Variants in MGLL observed in about 807,000 individuals in gnomAD.
MGLL encodes the protein lysophospholipase homolog.
Under a neutral mutation model 29.1 loss-of-function variants are expected in MGLL, and 7 were observed. The observed-to-expected ratio is 0.24, with a 90% CI of 0.14 to 0.45. The LOEUF (loss-of-function observed/expected upper bound fraction) is 0.45, where lower values mean the gene tolerates loss of function less well. Ranked by LOEUF, MGLL falls within the 20% of genes least tolerant of loss-of-function variation. The pLI, the probability that MGLL is intolerant of heterozygous loss-of-function variation, is 0.99. For missense variants in MGLL, 356 were observed against 413.6 expected (o/e 0.86, Z 1.21); for synonymous variants, 148 against 168.3 (o/e 0.88, Z 0.93).
In MGLL at chr3:127,781,845, T is replaced by G; in HGVS notation, c.206A>C (p.Glu69Ala). 1 of 1,614,080 alleles carries G rather than the reference T, an allele frequency of 6.2e-7. No homozygotes were observed. Among genetic ancestry groups the G allele is most frequent in the Non-Finnish European group, 8.5e-7 (1 of 1,179,996 alleles). Residue 69 changes from glutamate (E) to alanine (A), a missense_variant, in exon 3 of 8, where the codon GAA (glutamate) becomes GCA (alanine). Transcript: ENST00000265052. ...CCCCATCAGCATCCGAGCCAGCTCT[T>G]CATAGCGGCCACTGTGCTCTCCGGC... ...HGAGEHSGRYEELARMLMGLD... is the reference protein window; with the variant it reads ...HGAGEHSGRYAELARMLMGLD...
chr3:127,700,765 G>A (rs556436920), intron 6 of MGLL, among the ~76,000 whole-genome samples: 3 of 152,336 alleles, frequency 2.0e-5, no homozygotes, highest in African/African-American at 4.8e-5. Flanking sequence ...TAGGACCCTC[G>A]AAAGGGGAGG....
chr3:127,692,236 G>C lies in MGLL; in HGVS notation c.904C>G (p.Gln302Glu), dbSNP rs771308600. The C allele has an allele frequency of 5.6e-6, 9 of 1,613,374 alleles. No individual in the cohort carries two copies. The highest frequency in any genetic ancestry group is 7.6e-6 in the Non-Finnish European group (9 of 1,179,852). Residue 302 changes from glutamine to glutamate, a missense_variant, in exon 8 of 8, where the codon CAA (glutamine) becomes GAA (glutamate). Coordinates refer to ENST00000265052, the MANE Select transcript of MGLL (RefSeq NM_007283.7). ...VFHEINMWVS[Q>E]RTATAGTASP... ...GCAGTTCCTGCCGTGGCTGTCCTTT[G>C]AGAGACCCACATGTTTATTTCATGG...
At chr3:127,722,710 C>T (rs1001852427) in intron 3 of MGLL, 144 bp from the exon 4 acceptor site, 11 of 1,171,358 alleles carry the variant, frequency 9.4e-6, no homozygotes, top group African/African-American at 6.1e-5. Flanking sequence ...CACTCTTGAA[C>T]GTTGGAATTC....
At chr3:127,773,555 C>T (rs1210317562) in intron 3 of MGLL, among the ~76,000 whole-genome samples, 1 of 152,202 alleles carries the variant, frequency 6.6e-6, no homozygotes, top group Non-Finnish European at 1.5e-5. Flanking sequence ...ACAGGCTGTG[C>T]CGGGCTGGCT....
chr3:127,817,333 T>A (rs2077775391), intron 2 of MGLL, among the ~76,000 whole-genome samples: 1 of 152,128 alleles, frequency 6.6e-6, no homozygotes, highest in Non-Finnish European at 1.5e-5. Context: ...GGAGGGACAA[T>A]CACACTTTAA....
chr3:127,762,863 T>C (rs190803294), intron 3 of MGLL, among the ~76,000 whole-genome samples: 15 of 152,348 alleles, frequency 9.8e-5, no homozygotes, highest in East Asian at 9.6e-4. Flanking sequence ...GGTACCATTA[T>C]TACCATCTCA....
intron 3 of MGLL, among the ~76,000 whole-genome samples, chr3:127,737,825 G>T (rs1219703263): frequency 6.6e-6 from 1 of 151,440 alleles, no homozygotes; most frequent in African/African-American, 2.4e-5. Flanking sequence ...TTTGTATTTA[G>T]TAGAGATGGG....
chr3:127,740,429 A>G (rs1426704942), intron 3 of MGLL, among the ~76,000 whole-genome samples: 2 of 151,876 alleles, frequency 1.3e-5, no homozygotes, highest in East Asian at 3.9e-4. Context: ...GTATCTGTCC[A>G]TATCAGTTCC....
intron 5 of MGLL, 104 bp from the exon 6 acceptor site, chr3:127,710,769 T>C (rs1488753124): frequency 9.5e-7 from 1 of 1,056,778 alleles, no homozygotes; most frequent in Non-Finnish European, 1.4e-6. Context: ...ATGCCCAAAC[T>C]GAACATCAGC....
chr3:127,754,358 GA>G lies in MGLL; in HGVS notation c.262+27430del, dbSNP rs34543777. 1.3e-3 allele frequency among the ~76,000 whole-genome samples: 201 copies of G among 149,160 alleles called. 2 individuals are homozygous for G. Among genetic ancestry groups the G allele is most frequent in the East Asian group, 8.0e-3 (41 of 5,108 alleles). ...CAACCATAAAAGGCAAAATAAGAAA[GA>G]AAAAAAAAACCAGATCTATCAAAAG... On this transcript the variant is annotated intron_variant, in intron 3 of 7. Coordinates refer to ENST00000265052, the MANE Select transcript of MGLL (RefSeq NM_007283.7).
intron 3 of MGLL, among the ~76,000 whole-genome samples, chr3:127,763,770 A>G (rs1482856890): frequency 5.9e-5 from 9 of 152,040 alleles, no homozygotes; most frequent in African/African-American, 2.2e-4. Flanking sequence ...CCCGTCCTCA[A>G]ACTCTCCCAG....
chr3:127,815,762 A>G (rs73862363), intron 2 of MGLL, among the ~76,000 whole-genome samples: 8,523 of 152,232 alleles, frequency 0.056, 651 homozygotes, highest in African/African-American at 0.17. Flanking sequence ...ACCTCTGTCT[A>G]ATTTGCACAA....
intron 6 of MGLL, among the ~76,000 whole-genome samples, chr3:127,702,367 C>T (rs551039770): frequency 6.6e-5 from 10 of 152,288 alleles, no homozygotes; most frequent in Admixed American, 2.0e-4. Flanking sequence ...AAAGCTTCCC[C>T]GGCTCGATAG....
chr3:127,775,942 A>G (rs955363995), intron 3 of MGLL, among the ~76,000 whole-genome samples: 1 of 152,202 alleles, frequency 6.6e-6, no homozygotes, highest in African/African-American at 2.4e-5. Flanking sequence ...CCTGCATGGA[A>G]GGCCAAGGGG....
chr3:127,778,380 C>G (rs561405894), intron 3 of MGLL, among the ~76,000 whole-genome samples: 1 of 152,248 alleles, frequency 6.6e-6, no homozygotes, highest in Non-Finnish European at 1.5e-5. Context: ...TGGTCTTGCT[C>G]AGAGCCCTGG....
At chr3:127,782,313 C>T (rs2077141693) in intron 2 of MGLL, among the ~76,000 whole-genome samples, 1 of 152,184 alleles carries the variant, frequency 6.6e-6, no homozygotes, top group African/African-American at 2.4e-5. Context: ...CACCAGGAGC[C>T]ACACCATGGG....
Position 127,721,182 on chromosome 3 carries a change from A to C in MGLL, c.400-19T>G. On this transcript the variant is annotated intron_variant, in intron 4 of 7. Transcript: ENST00000265052. ...CGCCTCCCTGTAATGCAGAATGGGC[A>C]GAGCTGCTGTGTTCGGCTTGCACCA... The C allele has an allele frequency of 6.2e-7, 1 of 1,606,354 alleles. No individual in the cohort carries two copies. Among genetic ancestry groups the C allele is most frequent in the Non-Finnish European group, 8.5e-7 (1 of 1,173,098 alleles).
chr3:127,729,611 G>A (rs1231025151), intron 3 of MGLL, among the ~76,000 whole-genome samples: 1 of 152,092 alleles, frequency 6.6e-6, no homozygotes, highest in African/African-American at 2.4e-5. Context: ...GTTTGTAATC[G>A]TCTCAGCAGA....
chr3:127,789,979 A>T (rs758111172), intron 2 of MGLL, among the ~76,000 whole-genome samples: 3 of 152,214 alleles, frequency 2.0e-5, no homozygotes, highest in Admixed American at 1.3e-4. Flanking sequence ...ATCATAAAAC[A>T]CTACAAATCA....
Sources: gnomAD v4.1 joint callset for allele counts (sites outside exome capture counted in the v4.1 genomes callset) on GRCh38, gnomAD v4.1.1 for gene constraint, MANE v1.5 for transcripts, NCBI Gene and HGNC (gene_info 2026-07-23, HGNC 2026-07-21) for gene names.